Variants in LHFPL1 observed in about 807,000 individuals in gnomAD.
LHFPL1 encodes LHFPL tetraspan subfamily member 1 protein.
Under a neutral mutation model 12.1 loss-of-function variants are expected in LHFPL1, and 4 were observed. The observed-to-expected ratio is 0.33, with a 90% CI of 0.16 to 0.76. LHFPL1 has a LOEUF of 0.76. LHFPL1 is among the 30% of genes least tolerant of loss of function. The probability of loss-of-function intolerance (pLI) is 0.61; values close to 1 mark genes in which losing one functional copy is unlikely to be tolerated. For synonymous variants in LHFPL1, 52 were observed against 61.9 expected, an observed-to-expected ratio of 0.84 and a Z score of 0.75; for missense variants, 141 against 174.1, an observed-to-expected ratio of 0.81 and a Z score of 1.07.
At chrX:112,662,315 A>G (rs1024687916) in intron 2 of LHFPL1, among the ~76,000 whole-genome samples, 2 of 112,209 alleles carry the variant, frequency 1.8e-5, no homozygotes, top group Admixed American at 1.9e-4. Flanking sequence ...CTGGGGCTCA[A>G]CTGGACAGTG....
At chrX:112,662,061 C>T (rs1047844927) in intron 2 of LHFPL1, among the ~76,000 whole-genome samples, 2 of 112,465 alleles carry the variant, frequency 1.8e-5, no homozygotes, top group Admixed American at 1.9e-4. Flanking sequence ...GATGGCTTTC[C>T]AAATCTACTT....
At chrX:112,651,713 C>T (rs958502457) in intron 3 of LHFPL1, among the ~76,000 whole-genome samples, 3 of 111,930 alleles carry the variant, frequency 2.7e-5, no homozygotes, top group Admixed American at 1.9e-4. Flanking sequence ...CTTTGCAACC[C>T]TCATGTCTTT....
intron 3 of LHFPL1, among the ~76,000 whole-genome samples, chrX:112,632,224 C>T (rs1236860674): frequency 9.0e-6 from 1 of 111,449 alleles, no homozygotes; most frequent in Non-Finnish European, 1.9e-5. Context: ...TCTATCCTAA[C>T]CTAGCCTTTC....
intron 3 of LHFPL1, among the ~76,000 whole-genome samples, chrX:112,636,197 T>C (rs982594029): frequency 2.7e-5 from 3 of 111,174 alleles, no homozygotes. Flanking sequence ...GAGGGGAGGT[T>C]GCTTTCTATT....
At chrX:112,642,362 A>C (rs1252556052) in intron 3 of LHFPL1, among the ~76,000 whole-genome samples, 1 of 101,685 alleles carries the variant, frequency 9.8e-6, no homozygotes, top group African/African-American at 3.5e-5. Context: ...AATATTAAAA[A>C]AAATAAATAA....
intron 3 of LHFPL1, among the ~76,000 whole-genome samples, chrX:112,637,581 C>CA (rs1930380438): frequency 9.0e-6 from 1 of 111,262 alleles, no homozygotes. Context: ...AGAGTGAATC[C>CA]AAAAAAGGAG....
chrX:112,669,498 G>A (rs897907381), intron 2 of LHFPL1, among the ~76,000 whole-genome samples: 10 of 112,270 alleles, frequency 8.9e-5, no homozygotes, highest in African/African-American at 1.9e-4. Context: ...TAGAAATGAC[G>A]GAGGCTAGAA....
At chrX:112,632,098 C>G (rs139479669) in intron 3 of LHFPL1, among the ~76,000 whole-genome samples, 70 of 111,650 alleles carry the variant, frequency 6.3e-4, no homozygotes, top group Non-Finnish European at 1.1e-3. Flanking sequence ...GCTGACTCAT[C>G]CTAACTTCAA....
chrX:112,666,742 G>A (rs915819013), intron 2 of LHFPL1, among the ~76,000 whole-genome samples: 1 of 111,776 alleles, frequency 8.9e-6, no homozygotes, highest in East Asian at 2.8e-4. Context: ...TGTGTAATAC[G>A]CACTTTAGCA....
intron 3 of LHFPL1, among the ~76,000 whole-genome samples, chrX:112,651,106 C>T (rs1177249498): frequency 1.8e-5 from 2 of 111,849 alleles, no homozygotes; most frequent in South Asian, 3.7e-4. Context: ...TATAGGAGTT[C>T]GCTATGATTG....
intron 3 of LHFPL1, among the ~76,000 whole-genome samples, chrX:112,639,768 A>C (rs1930448831): frequency 8.9e-6 from 1 of 112,022 alleles, no homozygotes; most frequent in African/African-American, 3.2e-5. Flanking sequence ...GCCAAGTTAA[A>C]TTGTGCTTCT....
chrX:112,672,033 G>A (rs1041237995), intron 1 of LHFPL1, among the ~76,000 whole-genome samples: 1 of 111,680 alleles, frequency 9.0e-6, no homozygotes, highest in African/African-American at 3.3e-5. Flanking sequence ...GGATGCATCA[G>A]CCAGGTTTAA....
chrX:112,655,890 T>C (rs1930985553), intron 3 of LHFPL1, among the ~76,000 whole-genome samples: 1 of 111,723 alleles, frequency 9.0e-6, no homozygotes, highest in South Asian at 3.8e-4. Flanking sequence ...ATTTATGAAC[T>C]AGGTCCTTAG....
At chrX:112,645,358 G>A (rs1208511638) in intron 3 of LHFPL1, among the ~76,000 whole-genome samples, 2 of 111,824 alleles carry the variant, frequency 1.8e-5, no homozygotes, top group Non-Finnish European at 3.8e-5. Flanking sequence ...GCTCCTTGCT[G>A]TAATAGGTCC....
chrX:112,645,680 G>A (rs1930664851), intron 3 of LHFPL1, among the ~76,000 whole-genome samples: 1 of 111,754 alleles, frequency 8.9e-6, no homozygotes. Flanking sequence ...ATGAAGAATA[G>A]CATCAATTTA....
At chrX:112,658,191 G>A (rs1273112287) in intron 3 of LHFPL1, among the ~76,000 whole-genome samples, 4 of 110,565 alleles carry the variant, frequency 3.6e-5, no homozygotes, top group Non-Finnish European at 5.7e-5. Context: ...TTTGGAAGCC[G>A]AGGCAGGCAG....
At chrX:112,640,596 T>C (rs948494933) in intron 3 of LHFPL1, among the ~76,000 whole-genome samples, 1 of 111,658 alleles carries the variant, frequency 9.0e-6, no homozygotes, top group Non-Finnish European at 1.9e-5. Flanking sequence ...GGATGGGAGA[T>C]AGATAAAGGC....
chrX:112,660,572 T>C, intron 3 of LHFPL1, 55 bp downstream of exon 3: 2 of 1,014,670 alleles, frequency 2.0e-6, no homozygotes, highest in Non-Finnish European at 1.4e-6. Flanking sequence ...GGTAAAGCAC[T>C]TTGGAAAACA....
intron 2 of LHFPL1, 57 bp from the exon 3 acceptor site, chrX:112,660,782 C>T (rs1242379631): frequency 2.3e-6 from 2 of 858,978 alleles, no homozygotes; most frequent in Non-Finnish European, 3.4e-6. Context: ...GTCACCCCAA[C>T]ATTCCCTTTG....
Sources: allele counts gnomAD v4.1 joint callset (sites outside exome capture counted in the v4.1 genomes callset), GRCh38; gene constraint gnomAD v4.1.1; transcripts MANE v1.5; gene names NCBI Gene and HGNC (gene_info 2026-07-23, HGNC 2026-07-21).